Variants in KLK15 observed in about 807,000 individuals in gnomAD.
KLK15 encodes the protein kallikrein-15.
KLK15 carries 19 observed loss-of-function variants against 21.1 expected under a neutral mutation model. The observed-to-expected ratio is 0.90, with a 90% CI of 0.63 to 1.32. The LOEUF is 1.32. Ranked by LOEUF, KLK15 falls within the 40% of genes most tolerant of loss-of-function variation. The probability of loss-of-function intolerance (pLI) is 0.00; values close to 1 mark genes in which losing one functional copy is unlikely to be tolerated. For synonymous variants in KLK15, 141 were observed against 141.5 expected (o/e 1.00, Z 0.03); for missense variants, 345 against 348.6 (o/e 0.99, Z 0.08).
intron 1 of KLK15, among the ~76,000 whole-genome samples, chr19:50,828,884 G>A (rs1261119885): frequency 3.4e-5 from 5 of 145,504 alleles, no homozygotes; most frequent in African/African-American, 7.7e-5. Flanking sequence ...CAGGAAAATC[G>A]CTTGAACCCG....
In KLK15 at chr19:50,827,121, G is replaced by A. The variant is rs374766999; in HGVS notation, c.238C>T (p.Arg80Cys). Residue 80 changes from arginine to cysteine, a missense_variant, in exon 3 of 5, where the codon CGC becomes TGC. Arg to Cys is a radical substitution (Grantham distance 180). Coordinates refer to ENST00000598239, the Ensembl canonical transcript of KLK15. ...GTCCGTAGTTGCTCTGGGCCATCGC[G>A]CTTGCGCAGGTTGTGCTCTCCCAGG... The A allele has an allele frequency of 2.2e-5, 36 of 1,601,176 alleles. 2 individuals are homozygous for A. In the South Asian group the frequency reaches 3.2e-4, roughly 14 times the overall value.
intron 1 of KLK15, among the ~76,000 whole-genome samples, chr19:50,830,222 A>G (rs1157701702): frequency 6.6e-6 from 1 of 151,608 alleles, no homozygotes; most frequent in Non-Finnish European, 1.5e-5. Context: ...GATTAGAGAC[A>G]TTCAAGGTCA....
chr19:50,825,664 G>A, downstream of KLK15: 1 of 887,582 alleles, frequency 1.1e-6, no homozygotes, highest in African/African-American at 1.7e-5. Flanking sequence ...GGTGGGACAA[G>A]TCCTTGGCTA....
upstream of KLK15, among the ~76,000 whole-genome samples, chr19:50,832,872 G>C (rs1469724435): frequency 6.6e-6 from 1 of 152,150 alleles, no homozygotes. Context: ...CCGAGGAGCT[G>C]GTCTGACTCC....
upstream of KLK15, among the ~76,000 whole-genome samples, chr19:50,832,315 TTTTTTTC>T (rs932496107): frequency 2.0e-5 from 2 of 98,462 alleles, no homozygotes; most frequent in African/African-American, 6.8e-5. Flanking sequence ...TTTCTTTCTT[TTTTTTTC>T]TTTTTTTTTT....
chr19:50,833,473 G>T (rs958847386), upstream of KLK15, among the ~76,000 whole-genome samples: 2 of 152,104 alleles, frequency 1.3e-5, no homozygotes, highest in African/African-American at 4.8e-5. Flanking sequence ...TTGAAACCAG[G>T]GCACAGTGAA....
intron 1 of KLK15, among the ~76,000 whole-genome samples, chr19:50,829,670 A>G (rs529815686): frequency 6.6e-6 from 1 of 151,716 alleles, no homozygotes; most frequent in East Asian, 1.9e-4. Flanking sequence ...AAATACAAAA[A>G]TCAGCTGGGC....
chr19:50,829,917 A>G (rs74725213), intron 1 of KLK15, among the ~76,000 whole-genome samples: 2,134 of 151,810 alleles, frequency 0.014, 70 homozygotes, highest in African/African-American at 0.048. Context: ...CCAGAAGGCC[A>G]ACACTCAGAT....
chr19:50,827,663 G>C, exon 2 of KLK15: 1 of 1,610,484 alleles, frequency 6.2e-7, no homozygotes, highest in Non-Finnish European at 8.5e-7. Context: ...CCTTCATACC[G>C]GCTTTGGCAG....
At chr19:50,825,532 G>C (rs2089865391), downstream of KLK15, 1 of 325,332 alleles carries the variant, frequency 3.1e-6, no homozygotes, top group African/African-American at 2.1e-5. Flanking sequence ...ACAGTGTACA[G>C]TGTCTCGGGG....
intron 2 of KLK15, 80 bp downstream of exon 3, chr19:50,827,582 T>C (rs180691985): frequency 2.1e-6 from 3 of 1,450,494 alleles, no homozygotes; most frequent in East Asian, 4.6e-5. Context: ...TTCTGGCGTC[T>C]GCCTCCGTCT....
At chr19:50,831,664 G>T (rs1233181203), upstream of KLK15, 3 of 467,106 alleles carry the variant, frequency 6.4e-6, no homozygotes, top group South Asian at 5.6e-5. Context: ...CCCACTCTGC[G>T]CTTCCTTCTG....
chr19:50,826,308 A>C (rs936000450), intron 4 of KLK15: 3 of 449,322 alleles, frequency 6.7e-6, no homozygotes, highest in Non-Finnish European at 1.2e-5. Flanking sequence ...TCTGCATTCC[A>C]AACAAAATCT....
chr19:50,829,338 T>C (rs1314081323), intron 1 of KLK15, among the ~76,000 whole-genome samples: 2 of 151,762 alleles, frequency 1.3e-5, no homozygotes, highest in Non-Finnish European at 2.9e-5. Flanking sequence ...TGTGTATGTA[T>C]GGTGAGTGAT....
chr19:50,829,811 C>T (rs888142962), intron 1 of KLK15, among the ~76,000 whole-genome samples: 6 of 151,330 alleles, frequency 4.0e-5, no homozygotes, highest in Admixed American at 6.6e-5. Flanking sequence ...AGCGAGACTC[C>T]GTCTCAAAAA....
intron 4 of KLK15, 147 bp downstream of exon 5, chr19:50,826,474 C>T (rs911763873): frequency 2.3e-5 from 22 of 941,632 alleles, no homozygotes; most frequent in Non-Finnish European, 3.4e-5. Flanking sequence ...CAACCTCACC[C>T]CTATTCTAAC....
In KLK15 at chr19:50,827,671, C is replaced by T. The variant is rs370799428; in HGVS notation, c.188G>A (p.Cys63Tyr). Residue 63 changes from cysteine (C) to tyrosine (Y), a missense_variant, in exon 2 of 5, where the codon TGC becomes TAC. By Grantham distance (194) the Cys-to-Tyr change is radical (BLOSUM62 -2). Coordinates refer to ENST00000598239, the Ensembl canonical transcript of KLK15. Reference sequence around the variant, plus strand: ...GCCCCTGCCTTCATACCGGCTTTGGCAGTGGGCCGCAGACAGCACCCAGTG... The same window carrying T: ...GCCCCTGCCTTCATACCGGCTTTGGTAGTGGGCCGCAGACAGCACCCAGTG... The T allele has an allele frequency of 7.5e-6, 12 of 1,610,646 alleles. 1 individual carries two copies. Among genetic ancestry groups the T allele is most frequent in the African/African-American group, 6.7e-5 (5 of 74,810 alleles).
chr19:50,827,841 G>A, intron 1 of KLK15, 26 bp from the exon 3 acceptor site: 1 of 1,607,484 alleles, frequency 6.2e-7, no homozygotes, highest in African/African-American at 1.3e-5. Flanking sequence ...GAGGATGCCT[G>A]AGGACAGGGA....
chr19:50,833,480 T>C (rs1341354919), upstream of KLK15, among the ~76,000 whole-genome samples: 1 of 152,148 alleles, frequency 6.6e-6, no homozygotes, highest in Non-Finnish European at 1.5e-5. Context: ...CAGGGCACAG[T>C]GAATCTCCCC....
Sources: allele counts gnomAD v4.1 joint callset (sites outside exome capture counted in the v4.1 genomes callset), GRCh38; gene constraint gnomAD v4.1.1; transcripts MANE v1.5; gene names NCBI Gene and HGNC (gene_info 2026-07-23, HGNC 2026-07-21).